The following SDCCAG8 variants were observed in gnomAD, a reference collection of about 807,000 sequenced individuals.
SDCCAG8 encodes the protein serologically defined colon cancer antigen 8.
A neutral mutation model predicts 101.8 loss-of-function variants in SDCCAG8; 74 were observed. That is an observed-to-expected ratio of 0.73 (90% CI 0.60 to 0.88). The LOEUF is 0.88. SDCCAG8 is among the 40% of genes least tolerant of loss of function. SDCCAG8 has a pLI of 0.00. For missense variants in SDCCAG8, 787 were observed against 822.6 expected (o/e 0.96, Z 0.53); for synonymous variants, 281 against 292.9 (o/e 0.96, Z 0.41).
intron 2 of SDCCAG8, 139 bp downstream of exon 2, chr1:243,270,396 G>C: frequency 2.1e-6 from 2 of 960,682 alleles, no homozygotes; most frequent in Non-Finnish European, 3.2e-6. Flanking sequence ...TAATTCCCTC[G>C]CTTAATCTTG....
At position 243,295,821 on chromosome 1, in the gene SDCCAG8, C is replaced by T. The variant is rs78582153; in HGVS notation, c.675+2602C>T. ...GAATTCCTTTCTCTTTTATGCCTCC[C>T]CCTAGCACTGTGTTTATGACTATTG... On this transcript the variant is annotated intron_variant, in intron 6 of 17. Transcript: ENST00000366541. 6.8e-3 allele frequency among the ~76,000 whole-genome samples: 1,030 copies of T among 152,130 alleles called. 12 individuals are homozygous for T. Among genetic ancestry groups the T allele is most frequent in the African/African-American group, 0.024 (993 of 41,476 alleles).
At chr1:243,283,090 C>T (rs189787322) in intron 4 of SDCCAG8, among the ~76,000 whole-genome samples, 123 of 152,198 alleles carry the variant, frequency 8.1e-4, no homozygotes, top group African/African-American at 2.0e-3. Context: ...TCACATGATC[C>T]GCCTGCCTCG....
intron 15 of SDCCAG8, among the ~76,000 whole-genome samples, chr1:243,420,182 C>A (rs1394349557): frequency 6.6e-6 from 1 of 152,196 alleles, no homozygotes; most frequent in African/African-American, 2.4e-5. Context: ...CACTCTCCCA[C>A]TTGGAGCTTT....
intron 12 of SDCCAG8, among the ~76,000 whole-genome samples, chr1:243,363,239 T>C (rs1180480638): frequency 2.0e-5 from 3 of 152,236 alleles, no homozygotes; most frequent in African/African-American, 7.2e-5. Flanking sequence ...ATCATGTTTA[T>C]TTTTCTGTTT....
chr1:243,436,941 G>A (rs1033363671), intron 16 of SDCCAG8, among the ~76,000 whole-genome samples: 3 of 151,972 alleles, frequency 2.0e-5, no homozygotes, highest in Non-Finnish European at 4.4e-5. Context: ...TATATCAGAG[G>A]GGAAAAAAGG....
At chr1:243,392,183 A>G (rs372611842) in intron 13 of SDCCAG8, among the ~76,000 whole-genome samples, 3 of 152,208 alleles carry the variant, frequency 2.0e-5, no homozygotes, top group African/African-American at 7.2e-5. Flanking sequence ...AGGTACTCCA[A>G]TGATTTTAAT....
At chr1:243,413,476 GATTAC>G (rs2080330545) in intron 13 of SDCCAG8, among the ~76,000 whole-genome samples, 1 of 152,154 alleles carries the variant, frequency 6.6e-6, no homozygotes, top group South Asian at 2.1e-4. Context: ...AAAGTGCTGG[GATTAC>G]AGATGTGAGC....
chr1:243,486,768 G>A (rs974297377), intron 16 of SDCCAG8, among the ~76,000 whole-genome samples: 1 of 152,252 alleles, frequency 6.6e-6, no homozygotes, highest in Non-Finnish European at 1.5e-5. Flanking sequence ...ACAGGGCAAG[G>A]GACCACATGG....
intron 16 of SDCCAG8, among the ~76,000 whole-genome samples, chr1:243,482,207 A>G (rs982086685): frequency 6.6e-6 from 1 of 152,218 alleles, no homozygotes; most frequent in Non-Finnish European, 1.5e-5. Flanking sequence ...ACTCAGCTCT[A>G]TAAAGTTGTT....
chr1:243,415,646 TG>T, intron 13 of SDCCAG8, 55 bp from the exon 14 acceptor site: 2 of 1,612,158 alleles, frequency 1.2e-6, no homozygotes, highest in African/African-American at 1.3e-5. Context: ...GGGGACATGA[TG>T]GGGGTTTGTG....
intron 13 of SDCCAG8, among the ~76,000 whole-genome samples, chr1:243,406,779 G>C (rs531321545): frequency 6.6e-6 from 1 of 152,224 alleles, no homozygotes; most frequent in East Asian, 1.9e-4. Context: ...ATCCCGTCAT[G>C]CCAAAACTGT....
intron 12 of SDCCAG8, among the ~76,000 whole-genome samples, chr1:243,378,083 GTTC>G (rs1383859963): frequency 6.6e-6 from 1 of 151,524 alleles, no homozygotes; most frequent in Non-Finnish European, 1.5e-5. Context: ...GTCTTAGAGT[GTTC>G]TTGTTGACTT....
chr1:243,290,205 G>GC (rs772895610), intron 5 of SDCCAG8, among the ~76,000 whole-genome samples: 3 of 114,210 alleles, frequency 2.6e-5, no homozygotes, highest in Admixed American at 9.2e-5. Context: ...CACCGCTCCC[G>GC]CCCCCCGATC....
At chr1:243,468,719 G>A (rs1660639185) in intron 16 of SDCCAG8, among the ~76,000 whole-genome samples, 1 of 152,156 alleles carries the variant, frequency 6.6e-6, no homozygotes, top group Non-Finnish European at 1.5e-5. Context: ...TAAAATGGCT[G>A]ACAAAGCATT....
Position 243,499,456 on chromosome 1 carries a change from A to G in SDCCAG8, c.2113-300A>G, listed in dbSNP as rs991562232. Among the ~76,000 whole-genome samples, 6 of 152,220 alleles carry G rather than the reference A, an allele frequency of 3.9e-5. No individual in the cohort carries two copies. The East Asian group carries it at 9.6e-4, about 24-fold the overall frequency. On this transcript the variant is annotated intron_variant, in intron 17 of 17. Coordinates refer to ENST00000366541, the MANE Select transcript of SDCCAG8 (RefSeq NM_006642.5). ...ATGTGTCCTTTCCCGGACAGAAGAG[A>G]TGGCTCTCTGGCCATGTCCTAACAC... is the stretch of plus-strand genomic sequence containing the variant.
chr1:243,461,883 C>T (rs3006908), intron 16 of SDCCAG8, among the ~76,000 whole-genome samples: 8,481 of 152,148 alleles, frequency 0.056, 810 homozygotes, highest in African/African-American at 0.19. Context: ...CTGCTTGTTC[C>T]CATGTGCAAA....
At chr1:243,441,993 GCTCT>G (rs1386482767) in intron 16 of SDCCAG8, among the ~76,000 whole-genome samples, 2 of 152,074 alleles carry the variant, frequency 1.3e-5, no homozygotes, top group Non-Finnish European at 2.9e-5. Context: ...AGTACTATCA[GCTCT>G]CTGTGGCAAA....
chr1:243,396,115 G>GTTTGCCC (rs1343289324), intron 13 of SDCCAG8, among the ~76,000 whole-genome samples: 3 of 152,002 alleles, frequency 2.0e-5, no homozygotes, highest in African/African-American at 7.2e-5. Context: ...TGAGTCATTG[G>GTTTGCCC]TTTGCCCTTT....
At chr1:243,307,293 C>A in intron 7 of SDCCAG8, 4 of 627,750 alleles carry the variant, frequency 6.4e-6, no homozygotes, top group Non-Finnish European at 7.9e-6. Context: ...CACCATTCCC[C>A]AGCCCTTTCT....
Sources: allele counts gnomAD v4.1 joint callset (sites outside exome capture counted in the v4.1 genomes callset), GRCh38; gene constraint gnomAD v4.1.1; transcripts MANE v1.5; gene names NCBI Gene and HGNC (gene_info 2026-07-23, HGNC 2026-07-21).